Variants in CNTNAP2 observed in about 807,000 individuals in gnomAD.
CNTNAP2 encodes contactin-associated protein-like 2.
Under a neutral mutation model 155.2 loss-of-function variants are expected in CNTNAP2, and 98 were observed. The ratio of observed to expected loss-of-function variants is 0.63; its 90% confidence interval spans 0.54 to 0.75. The LOEUF is 0.75. Among genes scored for constraint, CNTNAP2 ranks in the 30% least tolerant of loss-of-function variants. The pLI, the probability that CNTNAP2 is intolerant of heterozygous loss-of-function variation, is 0.00. For missense variants in CNTNAP2, 1,727 were observed against 1,688.1 expected, an observed-to-expected ratio of 1.02 and a Z score of -0.40; for synonymous variants, 651 against 631.2, an observed-to-expected ratio of 1.03 and a Z score of -0.47.
intron 1 of CNTNAP2, among the ~76,000 whole-genome samples, chr7:146,318,192 TA>T (rs1056436122): frequency 6.6e-6 from 1 of 152,056 alleles, no homozygotes; most frequent in Admixed American, 6.6e-5. Flanking sequence ...TTATTGGATG[TA>T]AACTAGTGAT....
chr7:146,366,947 T>C (rs1385730754), intron 1 of CNTNAP2, among the ~76,000 whole-genome samples: 1 of 152,140 alleles, frequency 6.6e-6, no homozygotes, highest in Non-Finnish European at 1.5e-5. Flanking sequence ...AACAGAATCT[T>C]ACATAAGTTT....
In CNTNAP2 at chr7:147,294,401, A is replaced by G. The variant is rs558822358; in HGVS notation, c.1349-5740A>G. 6.6e-5 allele frequency among the ~76,000 whole-genome samples: 10 copies of G among 152,312 alleles called. No homozygotes were observed. The South Asian group carries it at 1.9e-3, about 28-fold the overall frequency. ...TGCCCTAACTTTGTGAATCATCTAC[A>G]CATTTCTGTAGAACAAATCATCTTC... On this transcript the variant is annotated intron_variant, in intron 8 of 23. Transcript: ENST00000361727.
chr7:147,094,631 C>G (rs1303567026), intron 4 of CNTNAP2, among the ~76,000 whole-genome samples: 4 of 151,666 alleles, frequency 2.6e-5, no homozygotes, highest in Admixed American at 2.6e-4. Context: ...TGATCTCTAT[C>G]TCCTGACCTC....
chr7:146,849,044 G>A (rs1209186059), intron 3 of CNTNAP2, among the ~76,000 whole-genome samples: 1 of 152,124 alleles, frequency 6.6e-6, no homozygotes, highest in East Asian at 1.9e-4. Flanking sequence ...GCCTCCCAAA[G>A]TGCTGGGATT....
chr7:146,866,393 A>C (rs1200821885), intron 3 of CNTNAP2, among the ~76,000 whole-genome samples: 1 of 152,090 alleles, frequency 6.6e-6, no homozygotes, highest in Admixed American at 6.6e-5. Flanking sequence ...AGAAGATTTG[A>C]TATTTGAGAA....
chr7:148,202,213 G>A (rs1299375445), intron 18 of CNTNAP2, among the ~76,000 whole-genome samples: 1 of 152,156 alleles, frequency 6.6e-6, no homozygotes, highest in African/African-American at 2.4e-5. Context: ...ACAAAGGACA[G>A]GTCAGAGAGC....
chr7:146,451,808 CTA>C (rs753597972), intron 1 of CNTNAP2, among the ~76,000 whole-genome samples: 3 of 96,484 alleles, frequency 3.1e-5, no homozygotes, highest in South Asian at 2.8e-4. Flanking sequence ...AAGGTCTCTT[CTA>C]TATATATATA....
At chr7:146,621,886 T>C (rs926027317) in intron 1 of CNTNAP2, among the ~76,000 whole-genome samples, 4 of 152,158 alleles carry the variant, frequency 2.6e-5, no homozygotes, top group African/African-American at 9.6e-5. Context: ...TAAAATTTTA[T>C]TATTCCTCCC....
At chr7:146,726,358 T>C (rs1801430953) in intron 1 of CNTNAP2, among the ~76,000 whole-genome samples, 1 of 152,136 alleles carries the variant, frequency 6.6e-6, no homozygotes. Context: ...AAGTAAATAA[T>C]GGGGGTAAAT....
At position 146,562,585 on chromosome 7, in the gene CNTNAP2, G is replaced by A. The variant is rs149330303; in HGVS notation, c.98-211686G>A. Among the ~76,000 whole-genome samples, 796 of 152,084 alleles carry A rather than the reference G, an allele frequency of 5.2e-3. 4 individuals are homozygous for A. The highest frequency in any genetic ancestry group is 8.2e-3 in the Non-Finnish European group (560 of 67,962). On this transcript the variant is annotated intron_variant, in intron 1 of 23. Coordinates refer to ENST00000361727, the MANE Select transcript of CNTNAP2 (RefSeq NM_014141.6). ...TATTGATTAAATTTATTAAGACTGG[G>A]CTTTGTCTCAACACTTAATGGCAAC... is the stretch of plus-strand genomic sequence containing the variant.
At chr7:146,544,047 A>AT (rs1232363569) in intron 1 of CNTNAP2, among the ~76,000 whole-genome samples, 2 of 151,948 alleles carry the variant, frequency 1.3e-5, no homozygotes, top group African/African-American at 4.8e-5. Flanking sequence ...CACAGAGCTG[A>AT]TTTTTCCTTC....
chr7:147,957,650 A>G (rs1398661251), intron 14 of CNTNAP2, among the ~76,000 whole-genome samples: 1 of 152,194 alleles, frequency 6.6e-6, no homozygotes, highest in Non-Finnish European at 1.5e-5. Flanking sequence ...TTAACCAAGA[A>G]ATTAAGCATT....
At chr7:147,376,326 C>T (rs745815731) in intron 9 of CNTNAP2, among the ~76,000 whole-genome samples, 1 of 151,848 alleles carries the variant, frequency 6.6e-6, no homozygotes, top group Admixed American at 6.6e-5. Context: ...GACTATCATA[C>T]AACTTATGCC....
At chr7:148,253,009 C>CATAGATAG (rs59679982) in intron 20 of CNTNAP2, among the ~76,000 whole-genome samples, 17,072 of 141,822 alleles carry the variant, frequency 0.12, 1,065 homozygotes, top group East Asian at 0.21. Flanking sequence ...TAGATAGATA[C>CATAGATAG]ATAGATAGAT....
intron 16 of CNTNAP2, among the ~76,000 whole-genome samples, chr7:148,129,883 G>A (rs1219904924): frequency 2.0e-5 from 3 of 152,214 alleles, no homozygotes; most frequent in African/African-American, 7.2e-5. Context: ...TTTCATGCCA[G>A]GGTTCTCAGT....
At position 146,366,074 on chromosome 7, in the gene CNTNAP2, A is replaced by G. The variant is rs183862129; in HGVS notation, c.97+249101A>G. 4.8e-3 allele frequency among the ~76,000 whole-genome samples: 725 copies of G among 152,242 alleles called. 3 individuals are homozygous for G. Among genetic ancestry groups the G allele is most frequent in the Non-Finnish European group, 7.2e-3 (493 of 68,016 alleles). ...TTGCTGTGTCAGACTCAGGTGAAAT[A>G]AAGAGGGATGTATATATGGATATAG... On this transcript the variant is annotated intron_variant, in intron 1 of 23. Coordinates refer to ENST00000361727, the MANE Select transcript of CNTNAP2 (RefSeq NM_014141.6).
chr7:148,233,399 C>CA (rs142238877), intron 20 of CNTNAP2, among the ~76,000 whole-genome samples: 46,059 of 151,920 alleles, frequency 0.3, 7,003 homozygotes, highest in Middle Eastern at 0.34. Flanking sequence ...TCCCCAAGAT[C>CA]GAGAAAATAG....
At chr7:147,777,842 C>A (rs768317026) in intron 13 of CNTNAP2, among the ~76,000 whole-genome samples, 1 of 152,176 alleles carries the variant, frequency 6.6e-6, no homozygotes, top group Non-Finnish European at 1.5e-5. Flanking sequence ...CCTGCAATTT[C>A]TCTAAGTGCA....
At chr7:147,584,187 A>T (rs1800573596) in intron 12 of CNTNAP2, among the ~76,000 whole-genome samples, 1 of 152,234 alleles carries the variant, frequency 6.6e-6, no homozygotes. Flanking sequence ...CAAAAGTGAT[A>T]TAATTTTTAA....
Sources: allele counts gnomAD v4.1 joint callset (sites outside exome capture counted in the v4.1 genomes callset), GRCh38; gene constraint gnomAD v4.1.1; transcripts MANE v1.5; gene names NCBI Gene and HGNC (gene_info 2026-07-23, HGNC 2026-07-21).